Variants in STARD5 observed in about 807,000 individuals in gnomAD.
STARD5 encodes StAR related lipid transfer domain containing 5, also known as stAR-related lipid transfer protein 5.
STARD5 carries 26 observed loss-of-function variants against 24.6 expected under a neutral mutation model. The ratio of observed to expected loss-of-function variants is 1.06; its 90% CI spans 0.77 to 1.47. The LOEUF (loss-of-function observed/expected upper bound fraction) is 1.47, where lower values mean the gene tolerates loss of function less well. STARD5 is among the 40% of genes most tolerant of loss of function. STARD5 has a pLI of 0.00. For missense variants in STARD5, 254 were observed against 270.8 expected (o/e 0.94, Z 0.44); for synonymous variants, 101 against 99.7 (o/e 1.01, Z -0.07).
rs930537578 is a variant in STARD5 at position 81,318,489 on chromosome 15, C to T, written c.414G>A (p.Glu138=). Residue 138 remains glutamate, a synonymous_variant, in exon 5 of 6, where the codon GAG becomes GAA. Coordinates refer to ENST00000302824, the MANE Select transcript of STARD5 (RefSeq NM_181900.3). ...CTGGCTTCGGGGGACATAACGGATG[C>T]TCCACATGGGTGGCTGGAAGACAGT... ...GTISSNATHV[E]HPLCPPKPGF... is the part of the protein sequence containing the mutation. 6 of 1,613,886 alleles carry T rather than the reference C, an allele frequency of 3.7e-6. No homozygotes were observed. Among genetic ancestry groups the T allele is most frequent in the Middle Eastern group, 1.6e-4 (1 of 6,068 alleles).
chr15:81,315,455 C>A (rs1407711378), intron 5 of STARD5, among the ~76,000 whole-genome samples: 2 of 152,128 alleles, frequency 1.3e-5, no homozygotes, highest in African/African-American at 4.8e-5. Flanking sequence ...AATTGTAGGT[C>A]ACCCAGTCTC....
chr15:81,319,268 G>A (rs1901146365), intron 4 of STARD5, 71 bp downstream of exon 4: 2 of 1,338,068 alleles, frequency 1.5e-6, no homozygotes, highest in African/African-American at 1.4e-5. Context: ...TTTCCTTAAG[G>A]AACTGTGGGG....
chr15:81,314,908 A>ACAAAC (rs1555426040), intron 5 of STARD5, among the ~76,000 whole-genome samples: 4 of 146,168 alleles, frequency 2.7e-5, no homozygotes, highest in Non-Finnish European at 4.5e-5. Context: ...AAAAAAAAAA[A>ACAAAC]AAAAAAAGAA....
chr15:81,314,259 C>T (rs1901020891), intron 5 of STARD5, among the ~76,000 whole-genome samples: 1 of 152,136 alleles, frequency 6.6e-6, no homozygotes, highest in African/African-American at 2.4e-5. Flanking sequence ...ATAATTTGAG[C>T]ACCTATGAAG....
chr15:81,324,028 T>G lies in STARD5; in HGVS notation c.72A>C (p.Thr24=). Residue 24 remains threonine, a synonymous_variant, in exon 1 of 6, where the codon ACA becomes ACC. Coordinates refer to ENST00000302824, the MANE Select transcript of STARD5 (RefSeq NM_181900.3). The part of the protein sequence containing the change: ...AEKMLQYRRD[T]AGWKICREGN... ...CTTCCCGGCAAATCTTCCAGCCTGC[T>G]GTGTCCCGCCGGTACTGGAGCATCT... 1 of 1,604,662 alleles carries G rather than the reference T, an allele frequency of 6.2e-7. No individual in the cohort carries two copies. Among genetic ancestry groups the G allele is most frequent in the Non-Finnish European group, 8.5e-7 (1 of 1,175,542 alleles).
chr15:81,315,520 T>C (rs1901063001), intron 5 of STARD5, among the ~76,000 whole-genome samples: 1 of 152,098 alleles, frequency 6.6e-6, no homozygotes, highest in Non-Finnish European at 1.5e-5. Context: ...AAGGATTTAA[T>C]GAGAGTAGGT....
chr15:81,319,408 T>C lies in STARD5; in HGVS notation c.331A>G (p.Ile111Val). 1.9e-6 allele frequency: 3 copies of C among 1,613,692 alleles called. No individual in the cohort carries two copies. The highest frequency in any genetic ancestry group is 1.1e-5 in the South Asian group (1 of 91,068). Residue 111 changes from isoleucine (I) to valine (V), a missense_variant, in exon 4 of 6, where the codon ATT becomes GTT. Ile to Val is a conservative substitution (Grantham distance 29). Coordinates refer to ENST00000302824, the MANE Select transcript of STARD5 (RefSeq NM_181900.3). ...TSTPSAAMKL[I>V]SPRDFVDLVL... ...AAGTCCACAAAATCTCTGGGAGAAA[T>C]GAGCTTCATGGCAGCGGAGGGAGTG...
chr15:81,318,675 CACAT>C (rs1437230278), intron 4 of STARD5, among the ~76,000 whole-genome samples, 173 bp from the exon 5 acceptor site: 1 of 152,202 alleles, frequency 6.6e-6, no homozygotes, highest in Non-Finnish European at 1.5e-5. Flanking sequence ...CTTACACTCA[CACAT>C]ACAAATACAC....
intron 4 of STARD5, 53 bp downstream of exon 4, chr15:81,319,286 G>A (rs1228660423): frequency 3.4e-6 from 5 of 1,491,182 alleles, no homozygotes; most frequent in Admixed American, 3.3e-5. Flanking sequence ...GGGTGCAGAA[G>A]AGAAAGCTCG....
chr15:81,319,969 T>A (rs1162211585), intron 3 of STARD5, among the ~76,000 whole-genome samples: 6 of 152,222 alleles, frequency 3.9e-5, no homozygotes, highest in Non-Finnish European at 8.8e-5. Context: ...TCCTATGTTG[T>A]GCCTGGGGCA....
intron 5 of STARD5, among the ~76,000 whole-genome samples, chr15:81,316,449 G>C (rs1901084923): frequency 6.6e-6 from 1 of 152,214 alleles, no homozygotes; most frequent in Admixed American, 6.5e-5. Flanking sequence ...TGGCCAGAAT[G>C]AGACTGTGGC....
At chr15:81,323,504 T>C (rs139226471) in intron 1 of STARD5, 5,988 of 538,046 alleles carry the variant, frequency 0.011, 249 homozygotes, top group African/African-American at 0.093. Flanking sequence ...CAAGCAAAAC[T>C]ACTCCCATGC....
chr15:81,321,841 T>A (rs1036902218), intron 3 of STARD5, among the ~76,000 whole-genome samples: 1 of 152,204 alleles, frequency 6.6e-6, no homozygotes, highest in African/African-American at 2.4e-5. Context: ...AAAATTTATA[T>A]ATTATTTAGA....
intron 1 of STARD5, 106 bp from the exon 2 acceptor site, chr15:81,323,054 G>A: frequency 8.1e-7 from 1 of 1,238,892 alleles, no homozygotes; most frequent in Non-Finnish European, 1.2e-6. Flanking sequence ...CAAGAGATAC[G>A]ACTCTCCAAG....
At chr15:81,319,891 A>G (rs1300547379) in intron 3 of STARD5, among the ~76,000 whole-genome samples, 1 of 152,174 alleles carries the variant, frequency 6.6e-6, no homozygotes, top group Admixed American at 6.5e-5. Flanking sequence ...GGATTTGAAC[A>G]GGGCCAGAGC....
At chr15:81,323,267 A>C in intron 1 of STARD5, 1 of 401,012 alleles carries the variant, frequency 2.5e-6, no homozygotes, top group South Asian at 2.9e-5. Context: ...GGTCAAGCAA[A>C]ACTACTCCCA....
In STARD5 at chr15:81,322,399, A is replaced by G. The variant is rs770582030; in HGVS notation, c.282+9T>C. On this transcript the variant is annotated intron_variant, in intron 3 of 5. Coordinates refer to ENST00000302824, the MANE Select transcript of STARD5 (RefSeq NM_181900.3). Reference sequence around the variant, plus strand: ...ACTATCTAGAGATAACATGCTTGGAAAGACTTACGTCAGTGATGCTTTGGA... The same window carrying G: ...ACTATCTAGAGATAACATGCTTGGAGAGACTTACGTCAGTGATGCTTTGGA... 1.9e-6 allele frequency: 3 copies of G among 1,614,228 alleles called. No homozygotes were observed. The South Asian group carries it at 3.3e-5, about 18-fold the overall frequency.
chr15:81,315,644 C>T lies in STARD5; in HGVS notation c.495-2241G>A, dbSNP rs1391761177. On this transcript the variant is annotated intron_variant, in intron 5 of 5. Coordinates refer to ENST00000302824, the MANE Select transcript of STARD5 (RefSeq NM_181900.3). ...CCACCTTAAGAACACCTTTCCCCCG[C>T]CCCCCGCGCCACTTGGAGCTCAACC... Among the ~76,000 whole-genome samples the T allele has an allele frequency of 3.3e-5, 5 of 152,216 alleles. No individual in the cohort carries two copies. In the South Asian group the frequency reaches 8.3e-4, roughly 25 times the overall value.
intron 3 of STARD5, among the ~76,000 whole-genome samples, chr15:81,322,044 T>A (rs1477998672): frequency 6.6e-6 from 1 of 152,220 alleles, no homozygotes; most frequent in East Asian, 1.9e-4. Flanking sequence ...GTGAAGACCC[T>A]CATACCAGAG....
Sources: gnomAD v4.1 joint callset for allele counts (sites outside exome capture counted in the v4.1 genomes callset) on GRCh38, gnomAD v4.1.1 for gene constraint, MANE v1.5 for transcripts, NCBI Gene and HGNC (gene_info 2026-07-23, HGNC 2026-07-21) for gene names.